Variants in KLHL1 observed in about 807,000 individuals in gnomAD.
KLHL1 encodes the protein kelch like family member 1, also known as kelch-like protein 1.
Under a neutral mutation model 77.7 loss-of-function variants are expected in KLHL1, and 47 were observed. The ratio of observed to expected loss-of-function variants is 0.60; its 90% CI spans 0.48 to 0.77. KLHL1 has a LOEUF of 0.77. Ranked by LOEUF, KLHL1 falls within the 30% of genes least tolerant of loss-of-function variation. The pLI is 0.00. For missense variants in KLHL1, 925 were observed against 910.8 expected (o/e 1.02, Z -0.20); for synonymous variants, 360 against 325.2 (o/e 1.11, Z -1.15).
At chr13:69,809,777 A>C (rs1877784210) in intron 6 of KLHL1, among the ~76,000 whole-genome samples, 1 of 152,090 alleles carries the variant, frequency 6.6e-6, no homozygotes, top group Admixed American at 6.6e-5. Context: ...ACAAATAACA[A>C]GACCCATCCT....
chr13:69,837,616 ATATATATGTGTGTG>A (rs1879059081), intron 6 of KLHL1, among the ~76,000 whole-genome samples: 34 of 111,386 alleles, frequency 3.1e-4, no homozygotes, highest in African/African-American at 1.1e-3. Context: ...CTCTCTCTCT[ATATATATGTGTGTG>A]TATATATATA....
intron 5 of KLHL1, among the ~76,000 whole-genome samples, chr13:69,863,262 A>T (rs1880241216): frequency 6.6e-6 from 1 of 152,088 alleles, no homozygotes; most frequent in African/African-American, 2.4e-5. Context: ...TAAGATATTT[A>T]GTAGTTATAT....
At chr13:69,802,316 G>A (rs2138048011) in intron 6 of KLHL1, among the ~76,000 whole-genome samples, 1 of 152,184 alleles carries the variant, frequency 6.6e-6, no homozygotes, top group Admixed American at 6.5e-5. Flanking sequence ...AAATGGCGCT[G>A]CAATAAACAT....
intron 1 of KLHL1, among the ~76,000 whole-genome samples, chr13:70,050,719 TAA>T (rs1308275974): frequency 6.6e-6 from 1 of 152,054 alleles, no homozygotes; most frequent in African/African-American, 2.4e-5. Context: ...GATCAAAATA[TAA>T]GTGTTAACCT....
intron 5 of KLHL1, among the ~76,000 whole-genome samples, chr13:69,874,867 G>A (rs1258295780): frequency 6.6e-6 from 1 of 152,074 alleles, no homozygotes; most frequent in Non-Finnish European, 1.5e-5. Context: ...TTGTAGGATA[G>A]GGATATTAAG....
rs188628178 is a variant in KLHL1 at position 70,086,750 on chromosome 13, G to A, written c.497+20453C>T. Among the ~76,000 whole-genome samples, 4 of 146,768 alleles carry A rather than the reference G, an allele frequency of 2.7e-5. No individual in the cohort carries two copies. The Admixed American group carries it at 2.7e-4, about 10-fold the overall frequency. Reference sequence around the variant, plus strand: ...ATCTTACCTCTTATATGTAGTGCCTGCAGGCAGGCAAACTACAGTGTGATG... The same window carrying A: ...ATCTTACCTCTTATATGTAGTGCCTACAGGCAGGCAAACTACAGTGTGATG... On this transcript the variant is annotated intron_variant, in intron 1 of 10. Coordinates refer to ENST00000377844, the MANE Select transcript of KLHL1 (RefSeq NM_020866.3).
At chr13:69,778,196 A>G (rs1875933003) in intron 7 of KLHL1, among the ~76,000 whole-genome samples, 1 of 152,142 alleles carries the variant, frequency 6.6e-6, no homozygotes, top group African/African-American at 2.4e-5. Flanking sequence ...TTTAATCTAG[A>G]CTTTTAAACC....
intron 7 of KLHL1, among the ~76,000 whole-genome samples, chr13:69,786,429 A>G (rs1256161792): frequency 1.3e-5 from 2 of 152,212 alleles, no homozygotes; most frequent in Non-Finnish European, 2.9e-5. Flanking sequence ...CAATGGATGC[A>G]GAAAAGGCCT....
chr13:69,872,622 T>C, intron 5 of KLHL1, among the ~76,000 whole-genome samples: 1 of 152,302 alleles, frequency 6.6e-6, no homozygotes, highest in African/African-American at 2.4e-5. Flanking sequence ...CGTCACTTTC[T>C]CTTGGGGAGA....
chr13:69,860,776 C>T (rs1270085661), intron 5 of KLHL1, among the ~76,000 whole-genome samples: 1 of 151,052 alleles, frequency 6.6e-6, no homozygotes, highest in African/African-American at 2.4e-5. Context: ...ATAATAAAAA[C>T]AATGTGTTTT....
At chr13:69,934,795 C>A (rs1017604979) in intron 4 of KLHL1, among the ~76,000 whole-genome samples, 1 of 149,598 alleles carries the variant, frequency 6.7e-6, no homozygotes, top group African/African-American at 2.5e-5. Context: ...CCATTTTCTT[C>A]TGTTATGAAC....
In KLHL1 at chr13:69,703,779, A is replaced by T. The variant is rs560479425; in HGVS notation, c.2188-2018T>A. 1.8e-3 allele frequency among the ~76,000 whole-genome samples: 274 copies of T among 151,874 alleles called. 4 individuals carry two copies. Among genetic ancestry groups the T allele is most frequent in the East Asian group, 7.7e-4 (4 of 5,178 alleles). On this transcript the variant is annotated intron_variant, in intron 10 of 10. Transcript: ENST00000377844. The stretch of plus-strand genomic sequence containing the variant: ...GTTGCAATTACCTAGAATACTCATT[A>T]CGGTAACATACTTATATAGCTTTGT...
At chr13:69,938,238 G>A (rs1025857830) in intron 4 of KLHL1, among the ~76,000 whole-genome samples, 1 of 152,016 alleles carries the variant, frequency 6.6e-6, no homozygotes, top group Non-Finnish European at 1.5e-5. Context: ...CTCTAAAATG[G>A]TTACCATAAA....
chr13:70,015,688 C>A (rs980263124), intron 1 of KLHL1, among the ~76,000 whole-genome samples: 3 of 152,212 alleles, frequency 2.0e-5, no homozygotes, highest in Non-Finnish European at 4.4e-5. Context: ...TGTAATTGTT[C>A]TGAGCACCTT....
intron 1 of KLHL1, among the ~76,000 whole-genome samples, chr13:70,003,300 T>G (rs1270313631): frequency 6.6e-6 from 1 of 151,590 alleles, no homozygotes; most frequent in Admixed American, 6.6e-5. Context: ...CAAGGGAAAA[T>G]GTAAAAGAGT....
intron 7 of KLHL1, among the ~76,000 whole-genome samples, chr13:69,777,407 T>C (rs1875884865): frequency 6.6e-6 from 1 of 152,184 alleles, no homozygotes; most frequent in African/African-American, 2.4e-5. Flanking sequence ...TAAATTAAAA[T>C]TTTAATTGAA....
At chr13:69,758,519 T>C (rs1874873240) in intron 7 of KLHL1, among the ~76,000 whole-genome samples, 1 of 152,092 alleles carries the variant, frequency 6.6e-6, no homozygotes, top group South Asian at 2.1e-4. Flanking sequence ...TTCATGCCTT[T>C]TAAAATAAAC....
chr13:70,015,914 T>G (rs1885645477), intron 1 of KLHL1, among the ~76,000 whole-genome samples: 1 of 152,214 alleles, frequency 6.6e-6, no homozygotes, highest in South Asian at 2.1e-4. Context: ...AACATTTTCT[T>G]GTGTGCATTT....
chr13:69,883,179 AC>A (rs1326493429), intron 4 of KLHL1, among the ~76,000 whole-genome samples: 2 of 151,960 alleles, frequency 1.3e-5, no homozygotes, highest in African/African-American at 4.8e-5. Context: ...ATATTTCCAA[AC>A]CATAAATGTG....
Sources: gnomAD v4.1 joint callset for allele counts (sites outside exome capture counted in the v4.1 genomes callset) on GRCh38, gnomAD v4.1.1 for gene constraint, MANE v1.5 for transcripts, NCBI Gene and HGNC (gene_info 2026-07-23, HGNC 2026-07-21) for gene names.